The following HMGXB4 variants were observed in gnomAD, a reference collection of about 807,000 sequenced individuals.
The protein encoded by HMGXB4 is HMG-box containing 4.
A neutral mutation model predicts 63.9 loss-of-function variants in HMGXB4; 27 were observed. The observed-to-expected ratio is 0.42, with a 90% CI of 0.31 to 0.58. HMGXB4 has a LOEUF of 0.58. HMGXB4 is among the 20% of genes least tolerant of loss of function. HMGXB4 has a pLI of 0.13. For synonymous variants in HMGXB4, 264 were observed against 265.3 expected (o/e 0.99, Z 0.05); for missense variants, 624 against 700.7 (o/e 0.89, Z 1.24).
At chr22:35,249,526 A>G in the HMGXB4 span, among the ~76,000 whole-genome samples, 2 of 99,082 alleles carry the variant, frequency 2.0e-5, 1 homozygote. Context: ...CAGAACATGG[A>G]CAGGAAAGAC....
chr22:35,293,866 G>A lies in HMGXB4; in HGVS notation c.*215G>A, dbSNP rs1925077999. Reference sequence around the variant, plus strand: ...TATGAAATGGCAAAGGTTTAGCCAAGAGGAAATTTTGGCATGAATACAGGC... The same window carrying A: ...TATGAAATGGCAAAGGTTTAGCCAAAAGGAAATTTTGGCATGAATACAGGC... On this transcript the variant is annotated 3_prime_UTR_variant, in exon 11 of 11. Coordinates refer to ENST00000216106, the MANE Select transcript of HMGXB4 (RefSeq NM_001003681.3). The A allele has an allele frequency of 3.2e-6, 1 of 313,652 alleles. No individual in the cohort carries two copies. The highest frequency in any genetic ancestry group is 5.7e-6 in the Non-Finnish European group (1 of 175,762). The allele number at this position is 313,652 out of a possible 1,614,324, so 19.4% of individuals were successfully genotyped here.
At chr22:35,256,313 A>C (rs1922400590), upstream of HMGXB4, among the ~76,000 whole-genome samples, 1 of 152,150 alleles carries the variant, frequency 6.6e-6, no homozygotes, top group East Asian at 1.9e-4. Flanking sequence ...AGGAAAACAC[A>C]CACTGCACAC....
chr22:35,277,129 G>T (rs1021692359), intron 5 of HMGXB4, among the ~76,000 whole-genome samples: 2 of 152,106 alleles, frequency 1.3e-5, no homozygotes, highest in Non-Finnish European at 2.9e-5. Context: ...TCAGGGTCTC[G>T]CAAGACTGAA....
the HMGXB4 span, among the ~76,000 whole-genome samples, chr22:35,247,696 G>A: frequency 1.3e-5 from 2 of 152,186 alleles, no homozygotes; most frequent in Non-Finnish European, 2.9e-5. Flanking sequence ...TGTGCTGCCC[G>A]ATGCATAATG....
chr22:35,277,374 C>CG (rs1053312943), intron 5 of HMGXB4, among the ~76,000 whole-genome samples: 3 of 152,118 alleles, frequency 2.0e-5, no homozygotes, highest in African/African-American at 7.2e-5. Flanking sequence ...TTTTGAGACA[C>CG]TTTTACTCAT....
At chr22:35,257,832 G>C (rs1220344419) in intron 1 of HMGXB4, among the ~76,000 whole-genome samples, 2 of 151,978 alleles carry the variant, frequency 1.3e-5, no homozygotes, top group Non-Finnish European at 2.9e-5. Context: ...GGGGGCGTGC[G>C]GCCGCCCCGG....
intron 6 of HMGXB4, among the ~76,000 whole-genome samples, chr22:35,285,676 T>TTGA (rs1487653192): frequency 1.3e-5 from 2 of 152,164 alleles, no homozygotes; most frequent in Non-Finnish European, 2.9e-5. Flanking sequence ...CTGTGAGCCA[T>TTGA]GATCACACCA....
intron 5 of HMGXB4, among the ~76,000 whole-genome samples, chr22:35,283,755 A>G (rs954728268): frequency 6.6e-6 from 1 of 151,920 alleles, no homozygotes; most frequent in African/African-American, 2.4e-5. Flanking sequence ...GCGCCACTGC[A>G]CTCCAGCCTG....
chr22:35,288,434 TAC>T (rs1924725610), intron 9 of HMGXB4, 27 bp downstream of exon 9: 1 of 1,528,352 alleles, frequency 6.5e-7, no homozygotes, highest in African/African-American at 1.4e-5. Context: ...GCAGCATGAC[TAC>T]AGTTTCCCAT....
chr22:35,263,122 G>A lies in HMGXB4; in HGVS notation c.76G>A (p.Ala26Thr), dbSNP rs369944150. ...TACCTTTGAGGACATAGGACTTGCA[G>A]CTGGCCGAAGCCAACGAGAGAAAAA... ...DHTFEDIGLA[A>T]GRSQREKKRS... Residue 26 changes from alanine to threonine, a missense_variant, in exon 3 of 11, where the codon GCT becomes ACT. By Grantham distance (58) the Ala-to-Thr change is moderately conservative. Transcript: ENST00000216106. 1.1e-5 allele frequency: 18 copies of A among 1,614,028 alleles called. No homozygotes were observed. The highest frequency in any genetic ancestry group is 1.5e-5 in the Non-Finnish European group (18 of 1,179,974).
chr22:35,292,622 A>G (rs1466699264), intron 9 of HMGXB4, among the ~76,000 whole-genome samples: 1 of 152,230 alleles, frequency 6.6e-6, no homozygotes, highest in East Asian at 1.9e-4. Flanking sequence ...CATCTGAGCT[A>G]TATTTGTCGA....
Position 35,287,347 on chromosome 22 carries a change from AT to A in HMGXB4, c.1366del (p.Trp456GlyfsTer20). ...TTAATGTTCACTGATGTGATTGCAGATTTGGAAGCAAAAAGCTCAGTATCTG... is the reference window on the plus strand; with the variant it reads ...TTAATGTTCACTGATGTGATTGCAGATTGGAAGCAAAAAGCTCAGTATCTG... ...WKQLPEKDKL[I>X]WKQKAQYLQH... On this transcript the variant is annotated frameshift_variant and splice_region_variant, in exon 8 of 11. Coordinates refer to ENST00000216106, the MANE Select transcript of HMGXB4 (RefSeq NM_001003681.3). LOFTEE classifies it high-confidence loss of function. The A allele has an allele frequency of 6.2e-7, 1 of 1,611,110 alleles. No homozygotes were observed. Among genetic ancestry groups the A allele is most frequent in the Non-Finnish European group, 8.5e-7 (1 of 1,177,850 alleles).
At chr22:35,254,909 T>A (rs554019522), upstream of HMGXB4, among the ~76,000 whole-genome samples, 37 of 152,190 alleles carry the variant, frequency 2.4e-4, no homozygotes, top group South Asian at 7.7e-3. Context: ...AAAGAAGAAA[T>A]GGGACCAATA....
chr22:35,288,965 C>T (rs2145571523), intron 9 of HMGXB4, among the ~76,000 whole-genome samples: 1 of 152,162 alleles, frequency 6.6e-6, no homozygotes, highest in East Asian at 1.9e-4. Context: ...TATGGTGAAA[C>T]CCTGTCTCTA....
At chr22:35,261,770 G>GCCCC (rs113260696) in intron 1 of HMGXB4, 1 of 151,266 alleles carries the variant, frequency 6.6e-6, no homozygotes, top group African/African-American at 2.4e-5. Context: ...AATTCATGTC[G>GCCCC]CCCCCCCCAA....
chr22:35,242,298 A>G, the HMGXB4 span, among the ~76,000 whole-genome samples: 1 of 152,146 alleles, frequency 6.6e-6, no homozygotes, highest in African/African-American at 2.4e-5. Context: ...GATCCATTTC[A>G]TCTAGGCTGC....
chr22:35,275,187 T>A (rs1313222185), intron 5 of HMGXB4, among the ~76,000 whole-genome samples: 7 of 144,622 alleles, frequency 4.8e-5, no homozygotes, highest in Non-Finnish European at 1.0e-4. Flanking sequence ...TGGTGCGATC[T>A]CAGCTCACTA....
intron 3 of HMGXB4, among the ~76,000 whole-genome samples, 185 bp from the exon 4 acceptor site, chr22:35,263,611 C>G (rs1244338795): frequency 3.3e-5 from 5 of 152,122 alleles, no homozygotes; most frequent in African/African-American, 1.2e-4. Context: ...ACCATATTTC[C>G]TAATATTTGA....
At chr22:35,246,338 G>A in the HMGXB4 span, among the ~76,000 whole-genome samples, 1 of 151,916 alleles carries the variant, frequency 6.6e-6, no homozygotes, top group East Asian at 1.9e-4. Context: ...GCAGTGGCAC[G>A]ATCTCGGCTC....
Sources: allele counts gnomAD v4.1 joint callset (sites outside exome capture counted in the v4.1 genomes callset), GRCh38; gene constraint gnomAD v4.1.1; transcripts MANE v1.5; gene names NCBI Gene and HGNC (gene_info 2026-07-23, HGNC 2026-07-21).